Variants in FAM107B observed in about 807,000 individuals in gnomAD.
FAM107B encodes the protein protein FAM107B.
In FAM107B, 21 loss-of-function variants were observed where a neutral mutation model predicts 31.5. The ratio of observed to expected loss-of-function variants is 0.67; its 90% confidence interval spans 0.47 to 0.96. FAM107B has a LOEUF of 0.96. FAM107B is among the 40% of genes least tolerant of loss of function. The pLI, the probability that FAM107B is intolerant of heterozygous loss-of-function variation, is 0.00. For synonymous variants in FAM107B, 157 were observed against 141.5 expected (o/e 1.11, Z -0.78); for missense variants, 452 against 377.1 (o/e 1.20, Z -1.64).
At position 14,599,135 on chromosome 10, in the gene FAM107B, G is replaced by T. The variant is rs72768953; in HGVS notation, c.469+68499C>A. 9.4e-3 allele frequency among the ~76,000 whole-genome samples: 1,436 copies of T among 152,280 alleles called. 11 individuals carry two copies. Among genetic ancestry groups the T allele is most frequent in the Middle Eastern group, 0.027 (8 of 294 alleles). On this transcript the variant is annotated intron_variant, in intron 2 of 4. Coordinates refer to ENST00000181796, the MANE Select transcript of FAM107B (RefSeq NM_031453.4). ...TCATGCACCTAAACCTGCCATGGTC[G>T]GAAGAGCCAGTCTGCAACCTGCATT...
intron 2 of FAM107B, among the ~76,000 whole-genome samples, chr10:14,657,809 CT>C (rs113344645): frequency 1.2e-4 from 18 of 148,008 alleles, no homozygotes; most frequent in African/African-American, 2.0e-4. Flanking sequence ...GCCACCTTCA[CT>C]TTTTTTTTTC....
intron 1 of FAM107B, among the ~76,000 whole-genome samples, chr10:14,708,326 C>A (rs1456390045): frequency 6.6e-6 from 1 of 152,136 alleles, no homozygotes; most frequent in Admixed American, 6.5e-5. Context: ...GGTGATCCAC[C>A]TGCTGGGGCC....
chr10:14,565,330 A>G (rs1040046474), intron 2 of FAM107B, among the ~76,000 whole-genome samples: 6 of 152,132 alleles, frequency 3.9e-5, no homozygotes, highest in Non-Finnish European at 8.8e-5. Flanking sequence ...GTCCAGGGAG[A>G]GCATTTGATG....
At chr10:14,553,325 A>C in intron 2 of FAM107B, 2 of 1,267,142 alleles carry the variant, frequency 1.6e-6, no homozygotes, top group Non-Finnish European at 2.0e-6. Context: ...CACTTACTAA[A>C]ATACTTTGTA....
At chr10:14,652,669 G>A (rs1853931468) in intron 2 of FAM107B, 1 of 152,194 alleles carries the variant, frequency 6.6e-6, no homozygotes, top group African/African-American at 2.4e-5. Flanking sequence ...CTTAGAAAAT[G>A]TTAGCATTGT....
intron 2 of FAM107B, among the ~76,000 whole-genome samples, chr10:14,588,878 G>A (rs897970034): frequency 6.6e-6 from 1 of 152,078 alleles, no homozygotes; most frequent in Non-Finnish European, 1.5e-5. Flanking sequence ...ATGTTTCCAA[G>A]AATTTAAAGA....
At chr10:14,682,859 C>G (rs142367527) in intron 1 of FAM107B, among the ~76,000 whole-genome samples, 40 of 151,794 alleles carry the variant, frequency 2.6e-4, no homozygotes, top group Non-Finnish European at 5.3e-4. Context: ...ACTGCACATT[C>G]TGCACATGTA....
intron 1 of FAM107B, among the ~76,000 whole-genome samples, chr10:14,681,347 G>C (rs907743038): frequency 6.6e-6 from 1 of 152,128 alleles, no homozygotes; most frequent in African/African-American, 2.4e-5. Context: ...AATATCATCA[G>C]GGCCCTCTCT....
intron 2 of FAM107B, among the ~76,000 whole-genome samples, chr10:14,633,217 C>A (rs1853413499): frequency 6.6e-6 from 1 of 150,492 alleles, no homozygotes; most frequent in Admixed American, 6.6e-5. Flanking sequence ...AAAAATCATA[C>A]GGCTGGTCAA....
At chr10:14,686,194 G>C (rs1252848002) in intron 1 of FAM107B, among the ~76,000 whole-genome samples, 1 of 152,116 alleles carries the variant, frequency 6.6e-6, no homozygotes. Flanking sequence ...TTCGAGACCA[G>C]CCTGGCAAAC....
At chr10:14,620,696 C>T (rs60954173) in intron 2 of FAM107B, among the ~76,000 whole-genome samples, 1 of 151,834 alleles carries the variant, frequency 6.6e-6, no homozygotes, top group Non-Finnish European at 1.5e-5. Context: ...GCCATCCCCC[C>T]ACAGGCCCTG....
At chr10:14,666,355 T>C (rs1854403180) in intron 2 of FAM107B, among the ~76,000 whole-genome samples, 1 of 152,036 alleles carries the variant, frequency 6.6e-6, no homozygotes, top group East Asian at 1.9e-4. Flanking sequence ...CAAGGAGAAG[T>C]GCAGAGTGAA....
At chr10:14,772,612 C>T (rs930756672) in intron 1 of FAM107B, among the ~76,000 whole-genome samples, 1 of 152,082 alleles carries the variant, frequency 6.6e-6, no homozygotes, top group Non-Finnish European at 1.5e-5. Flanking sequence ...TCAACTGCCG[C>T]GTGTCCTGCC....
intron 3 of FAM107B, among the ~76,000 whole-genome samples, chr10:14,529,260 T>A (rs938412637): frequency 6.6e-6 from 1 of 152,230 alleles, no homozygotes; most frequent in African/African-American, 2.4e-5. Flanking sequence ...GAAGCTAAAA[T>A]CTTATTTGCA....
At chr10:14,521,457 G>A in intron 4 of FAM107B, 151 bp from the exon 5 acceptor site, 1 of 679,858 alleles carries the variant, frequency 1.5e-6, no homozygotes, top group Non-Finnish European at 2.5e-6. Context: ...GATGGATAGA[G>A]TCTGGGTAAT....
At chr10:14,569,913 G>T (rs114099577) in intron 2 of FAM107B, among the ~76,000 whole-genome samples, 1,611 of 152,264 alleles carry the variant, frequency 0.011, 29 homozygotes, top group African/African-American at 0.037. Flanking sequence ...CAGGCTGGGC[G>T]AGCCCAGAGG....
At chr10:14,683,296 G>T (rs1028613778) in intron 1 of FAM107B, among the ~76,000 whole-genome samples, 4 of 152,172 alleles carry the variant, frequency 2.6e-5, no homozygotes, top group African/African-American at 7.2e-5. Flanking sequence ...GGAGAATTTT[G>T]AGGTTAAGGA....
At chr10:14,764,246 T>C (rs1194986723) in intron 1 of FAM107B, among the ~76,000 whole-genome samples, 1 of 152,250 alleles carries the variant, frequency 6.6e-6, no homozygotes, top group Non-Finnish European at 1.5e-5. Context: ...TAATAAGTTA[T>C]GTGAGGCACA....
intron 2 of FAM107B, among the ~76,000 whole-genome samples, chr10:14,536,573 T>C (rs1445408311): frequency 1.3e-5 from 2 of 152,162 alleles, no homozygotes; most frequent in African/African-American, 4.8e-5. Flanking sequence ...GTAAGAATTT[T>C]TCCCAAAGTG....
Sources: gnomAD v4.1 joint callset for allele counts (sites outside exome capture counted in the v4.1 genomes callset) on GRCh38, gnomAD v4.1.1 for gene constraint, MANE v1.5 for transcripts, NCBI Gene and HGNC (gene_info 2026-07-23, HGNC 2026-07-21) for gene names.